Variants in HMCN1 observed in about 807,000 individuals in gnomAD.
HMCN1 encodes hemicentin 1.
A neutral mutation model predicts 625.9 loss-of-function variants in HMCN1; 321 were observed. That is an observed-to-expected ratio of 0.51 (90% CI 0.47 to 0.56). The LOEUF is 0.56. Among genes scored for constraint, HMCN1 ranks in the 20% least tolerant of loss-of-function variants. The pLI, the probability that HMCN1 is intolerant of heterozygous loss-of-function variation, is 0.00. For missense variants in HMCN1, 6,588 were observed against 6,887.3 expected, an observed-to-expected ratio of 0.96 and a Z score of 1.54; for synonymous variants, 2,425 against 2,417.6, an observed-to-expected ratio of 1.00 and a Z score of -0.09.
In HMCN1 at chr1:185,994,953, G is replaced by C. The variant is rs1209645096; in HGVS notation, c.3644G>C (p.Gly1215Ala). The C allele has an allele frequency of 1.2e-6, 2 of 1,613,910 alleles. No homozygotes were observed. Among genetic ancestry groups the C allele is most frequent in the East Asian group, 2.2e-5 (1 of 44,874 alleles). The change falls in exon 24 of 107, where the codon GGA becomes GCA. Residue 1215 changes from glycine (G) to alanine (A), a missense_variant. This residue lies in a region of HMCN1 where 4,628 missense variants were observed against 4,853.1 expected (regional missense o/e 0.95). Coordinates refer to ENST00000271588, the MANE Select transcript of HMCN1 (RefSeq NM_031935.3). Reference protein sequence around the residue: ...SKGGSTMLVDGEHHVSNPDGT... With the variant: ...SKGGSTMLVDAEHHVSNPDGT... Reference sequence around the variant, plus strand: ...GGTGGAAGCACTATGCTGGTTGATGGAGAGCACCATGTTAGCAATCCAGAC... The same window carrying C: ...GGTGGAAGCACTATGCTGGTTGATGCAGAGCACCATGTTAGCAATCCAGAC...
chr1:185,990,848 A>C (rs1240441651), intron 22 of HMCN1, among the ~76,000 whole-genome samples: 1 of 152,150 alleles, frequency 6.6e-6, no homozygotes, highest in African/African-American at 2.4e-5. Flanking sequence ...TCTTGCTTAA[A>C]CCCTTATACA....
At chr1:185,942,742 C>A (rs530050874) in intron 11 of HMCN1, among the ~76,000 whole-genome samples, 3 of 152,194 alleles carry the variant, frequency 2.0e-5, no homozygotes, top group Admixed American at 6.5e-5. Context: ...TAGCATGAGA[C>A]CCCACAGGTT....
chr1:185,922,943 A>T (rs1667072412), intron 7 of HMCN1, among the ~76,000 whole-genome samples: 1 of 152,194 alleles, frequency 6.6e-6, no homozygotes, highest in Non-Finnish European at 1.5e-5. Flanking sequence ...ATTGTATTTC[A>T]AAGATAAAAT....
chr1:186,000,542 G>GGTGTGT (rs1170943049), intron 26 of HMCN1, among the ~76,000 whole-genome samples: 6 of 127,242 alleles, frequency 4.7e-5, no homozygotes, highest in South Asian at 2.6e-4. Context: ...CAGCGTGTAG[G>GGTGTGT]GTGTGTGTGT....
chr1:185,968,536 G>A (rs539684396), intron 14 of HMCN1, among the ~76,000 whole-genome samples: 74 of 150,888 alleles, frequency 4.9e-4, no homozygotes, highest in African/African-American at 1.7e-3. Context: ...ATTCACCAGG[G>A]TCCCCATTAA....
intron 7 of HMCN1, 144 bp from the exon 8 acceptor site, chr1:185,923,246 T>G: frequency 2.9e-6 from 2 of 689,440 alleles, no homozygotes; most frequent in South Asian, 3.4e-5. Context: ...AAACTGTCTT[T>G]TATGTAGAAA....
At chr1:185,747,102 A>G (rs1654459749) in intron 1 of HMCN1, among the ~76,000 whole-genome samples, 1 of 152,150 alleles carries the variant, frequency 6.6e-6, no homozygotes, top group African/African-American at 2.4e-5. Context: ...TTAGCAATTA[A>G]CATTAAAAAA....
In HMCN1 at chr1:186,130,086, T is replaced by C; in HGVS notation, c.13025T>C (p.Phe4342Ser). ...GTTGGCTTTGTGAAGGCAATTGGAT[T>C]TGTTTATGTGAAAGGTAGGGAAAAG... is the stretch of plus-strand genomic sequence containing the variant. ...NSVGFVKAIG[F>S]VYVKEPPVFK... Residue 4342 changes from phenylalanine to serine, a missense_variant, in exon 84 of 107, where the codon TTT becomes TCT. Physicochemically the swap from Phe to Ser is radical, Grantham distance 155 (BLOSUM62 -2). This residue lies in a region of HMCN1 where 1,954 missense variants were observed against 2,013.1 expected (regional missense o/e 0.97). Coordinates refer to ENST00000271588, the MANE Select transcript of HMCN1 (RefSeq NM_031935.3). 6.2e-7 allele frequency: 1 copy of C among 1,613,176 alleles called. No homozygotes were observed. Among genetic ancestry groups the C allele is most frequent in the African/African-American group, 1.3e-5 (1 of 74,998 alleles).
At chr1:185,960,717 C>T (rs542885322) in intron 11 of HMCN1, among the ~76,000 whole-genome samples, 1 of 152,328 alleles carries the variant, frequency 6.6e-6, no homozygotes, top group Admixed American at 6.5e-5. Flanking sequence ...GACAAAAATT[C>T]TGAGAGTTGC....
At chr1:186,000,021 A>G (rs768165068) in intron 25 of HMCN1, 24 bp from the exon 26 acceptor site, 1 of 1,539,130 alleles carries the variant, frequency 6.5e-7, no homozygotes, top group East Asian at 2.3e-5. Context: ...GTAAAATATC[A>G]CAAGACTTTA....
chr1:185,848,332 G>A (rs1661962223), intron 2 of HMCN1, among the ~76,000 whole-genome samples: 1 of 152,032 alleles, frequency 6.6e-6, no homozygotes, highest in Non-Finnish European at 1.5e-5. Flanking sequence ...CATCTCTGTA[G>A]TCTTTGACAA....
chr1:186,116,881 T>G, intron 75 of HMCN1, 113 bp from the exon 76 acceptor site: 1 of 1,216,446 alleles, frequency 8.2e-7, no homozygotes, highest in Non-Finnish European at 1.2e-6. Context: ...AATTTTAACA[T>G]GAGGGAAGAG....
chr1:185,812,703 G>T (rs1659601565), intron 1 of HMCN1, among the ~76,000 whole-genome samples: 1 of 152,098 alleles, frequency 6.6e-6, no homozygotes, highest in Non-Finnish European at 1.5e-5. Flanking sequence ...TATTAAAAAT[G>T]ATTCTGGCAA....
chr1:185,994,938 C>G lies in HMCN1; in HGVS notation c.3629C>G (p.Thr1210Ser), dbSNP rs1652683580. The change falls in exon 24 of 107, where the codon ACT (threonine) becomes AGT (serine). Residue 1210 changes from threonine (T) to serine (S), a missense_variant. Transcript: ENST00000271588. ...PVITWSKGGS[T>S]MLVDGEHHVS... ...ATCACCTGGTCCAAAGGTGGAAGCACTATGCTGGTTGATGGAGAGCACCAT... is the reference window on the plus strand; with the variant it reads ...ATCACCTGGTCCAAAGGTGGAAGCAGTATGCTGGTTGATGGAGAGCACCAT... The G allele has an allele frequency of 6.2e-7, 1 of 1,613,938 alleles. No individual in the cohort carries two copies. Among genetic ancestry groups the G allele is most frequent in the South Asian group, 1.1e-5 (1 of 91,084 alleles).
chr1:186,188,394 G>C (rs1362056955), intron 106 of HMCN1, among the ~76,000 whole-genome samples: 2 of 152,196 alleles, frequency 1.3e-5, no homozygotes, highest in African/African-American at 4.8e-5. Context: ...CCACCATGAA[G>C]CATCTTTTCT....
intron 36 of HMCN1, among the ~76,000 whole-genome samples, chr1:186,028,193 G>A (rs1207612312): frequency 1.3e-5 from 2 of 152,130 alleles, no homozygotes; most frequent in African/African-American, 4.8e-5. Flanking sequence ...AGCACACAAT[G>A]TGTCAAGAAG....
At position 185,902,415 on chromosome 1, in the gene HMCN1, CTA is replaced by C. The variant is rs201356649; in HGVS notation, c.622-6920_622-6919del. 5.3e-3 allele frequency among the ~76,000 whole-genome samples: 716 copies of C among 134,072 alleles called. 8 individuals are homozygous for C. The highest frequency in any genetic ancestry group is 0.026 in the African/African-American group (689 of 26,190). The allele number at this position is 134,072 out of a possible 152,430, so 88.0% of individuals were successfully genotyped here. A position where few individuals can be genotyped will look rare whatever the true frequency, so the allele number is the denominator to read the frequency against. Reference sequence around the variant, plus strand: ...TATCTATCTATCTATCTCTATCTATCTATCTATCTATCTATCTATCTATCTAT... The same window carrying C: ...TATCTATCTATCTATCTCTATCTATCTCTATCTATCTATCTATCTATCTAT... On this transcript the variant is annotated intron_variant, in intron 4 of 106. Coordinates refer to ENST00000271588, the MANE Select transcript of HMCN1 (RefSeq NM_031935.3).
At chr1:185,934,126 G>A (rs1357556904) in intron 11 of HMCN1, among the ~76,000 whole-genome samples, 6 of 152,068 alleles carry the variant, frequency 3.9e-5, no homozygotes, top group Non-Finnish European at 4.4e-5. Flanking sequence ...AATCCATCTT[G>A]TGGATTTTTT....
chr1:185,858,632 T>A (rs866216644), intron 2 of HMCN1, among the ~76,000 whole-genome samples: 2 of 121,026 alleles, frequency 1.7e-5, no homozygotes, highest in Admixed American at 8.7e-5. Flanking sequence ...TTTTTTTTTT[T>A]TAGAGACGGG....
Sources: allele counts gnomAD v4.1 joint callset (sites outside exome capture counted in the v4.1 genomes callset), GRCh38; gene constraint gnomAD v4.1.1; regional missense constraint gnomAD v4.1.1; transcripts MANE v1.5; gene names NCBI Gene and HGNC (gene_info 2026-07-23, HGNC 2026-07-21).